RPS6KC1: variants seen among roughly 807,000 people sequenced by gnomAD.
RPS6KC1 encodes the protein inactive ribosomal protein S6 kinase delta-1.
RPS6KC1 carries 54 observed loss-of-function variants against 103.8 expected under a neutral mutation model. The observed-to-expected ratio is 0.52, with a 90% CI of 0.42 to 0.65. RPS6KC1 has a LOEUF of 0.65. Among genes scored for constraint, RPS6KC1 ranks in the 30% least tolerant of loss-of-function variants. RPS6KC1 has a pLI of 0.00. For synonymous variants in RPS6KC1, 439 were observed against 438.7 expected (o/e 1.00, Z -0.01); for missense variants, 1,151 against 1,253.8 (o/e 0.92, Z 1.24).
At chr1:213,795,553 G>A in the RPS6KC1 span, among the ~76,000 whole-genome samples, 1 of 152,086 alleles carries the variant, frequency 6.6e-6, no homozygotes, top group African/African-American at 2.4e-5. Flanking sequence ...AGCTAATTTT[G>A]TCCTGGAAAA....
the RPS6KC1 span, among the ~76,000 whole-genome samples, chr1:213,794,081 A>G: frequency 6.6e-6 from 1 of 152,216 alleles, no homozygotes; most frequent in Non-Finnish European, 1.5e-5. Flanking sequence ...CTGGATTTAC[A>G]CAGAATCTGA....
the RPS6KC1 span, among the ~76,000 whole-genome samples, chr1:213,690,958 T>C: frequency 6.6e-6 from 1 of 152,146 alleles, no homozygotes; most frequent in African/African-American, 2.4e-5. Flanking sequence ...TTGATTGTTT[T>C]ATTTTTCCCT....
At chr1:213,755,989 C>G in the RPS6KC1 span, among the ~76,000 whole-genome samples, 1 of 152,180 alleles carries the variant, frequency 6.6e-6, no homozygotes, top group Non-Finnish European at 1.5e-5. Flanking sequence ...CCAGCACTAC[C>G]TCCACTCCTA....
At chr1:213,802,958 C>T in the RPS6KC1 span, among the ~76,000 whole-genome samples, 1 of 152,100 alleles carries the variant, frequency 6.6e-6, no homozygotes, top group South Asian at 2.1e-4. Context: ...TGGAAGAAAA[C>T]AGATAAGGGA....
the RPS6KC1 span, among the ~76,000 whole-genome samples, chr1:213,854,447 G>T: frequency 6.6e-6 from 1 of 152,094 alleles, no homozygotes; most frequent in African/African-American, 2.4e-5. Context: ...CATTTTATTT[G>T]TAAAGGAAAT....
At chr1:213,148,872 A>C (rs1250367954) in intron 6 of RPS6KC1, among the ~76,000 whole-genome samples, 1 of 152,030 alleles carries the variant, frequency 6.6e-6, no homozygotes, top group African/African-American at 2.4e-5. Flanking sequence ...TGGTCTGTTC[A>C]GGTTCTGTGT....
At chr1:213,166,306 A>G (rs2090961635) in intron 6 of RPS6KC1, among the ~76,000 whole-genome samples, 1 of 152,240 alleles carries the variant, frequency 6.6e-6, no homozygotes, top group African/African-American at 2.4e-5. Flanking sequence ...GCTAATGACA[A>G]TGGAAATAGC....
At chr1:213,393,948 G>C in the RPS6KC1 span, among the ~76,000 whole-genome samples, 2 of 152,122 alleles carry the variant, frequency 1.3e-5, no homozygotes, top group Non-Finnish European at 2.9e-5. Flanking sequence ...CTCTGAGAAG[G>C]GCGAGGGCAT....
chr1:213,465,802 A>G, the RPS6KC1 span, among the ~76,000 whole-genome samples: 3 of 152,034 alleles, frequency 2.0e-5, no homozygotes, highest in Non-Finnish European at 4.4e-5. Flanking sequence ...TTTCTTATCT[A>G]TTAAATATGT....
the RPS6KC1 span, among the ~76,000 whole-genome samples, chr1:213,479,850 C>G: frequency 0.014 from 2,165 of 151,876 alleles, 50 homozygotes; most frequent in African/African-American, 0.044. Context: ...GTCTATTTTT[C>G]CAATCTCACC....
the RPS6KC1 span, among the ~76,000 whole-genome samples, chr1:213,524,646 AG>A: frequency 6.6e-6 from 1 of 152,210 alleles, no homozygotes; most frequent in Admixed American, 6.5e-5. Flanking sequence ...GTAAAGTCTC[AG>A]AATGCTGAGA....
the RPS6KC1 span, among the ~76,000 whole-genome samples, chr1:213,524,518 T>C: frequency 3.9e-5 from 6 of 152,330 alleles, no homozygotes; most frequent in Non-Finnish European, 7.3e-5. Context: ...CTTCCAAGCT[T>C]CATCTAAAGC....
At chr1:213,260,323 G>A (rs1320318266) in intron 12 of RPS6KC1, among the ~76,000 whole-genome samples, 2 of 152,192 alleles carry the variant, frequency 1.3e-5, no homozygotes, top group East Asian at 3.8e-4. Flanking sequence ...GGGAAGGGCT[G>A]TGAAGGGGTA....
At chr1:213,548,256 C>T in the RPS6KC1 span, among the ~76,000 whole-genome samples, 7,469 of 152,184 alleles carry the variant, frequency 0.049, 647 homozygotes, top group African/African-American at 0.17. Flanking sequence ...GAAGACATCT[C>T]ATTTATAGAA....
chr1:213,056,620 G>C (rs189814114), intron 1 of RPS6KC1, among the ~76,000 whole-genome samples: 21 of 152,260 alleles, frequency 1.4e-4, no homozygotes, highest in Admixed American at 7.2e-4. Context: ...GCTTCAAATC[G>C]AAGCACTATT....
intron 4 of RPS6KC1, among the ~76,000 whole-genome samples, chr1:213,109,392 C>T (rs192060870): frequency 6.6e-6 from 1 of 152,298 alleles, no homozygotes; most frequent in African/African-American, 2.4e-5. Flanking sequence ...CTGCCTCGGC[C>T]TCCCAAAGTG....
the RPS6KC1 span, among the ~76,000 whole-genome samples, chr1:213,474,468 C>G: frequency 6.6e-6 from 1 of 152,096 alleles, no homozygotes; most frequent in African/African-American, 2.4e-5. Flanking sequence ...GCTGCTTTTT[C>G]AAAGCCATCA....
At chr1:213,708,281 A>G in the RPS6KC1 span, among the ~76,000 whole-genome samples, 1 of 151,956 alleles carries the variant, frequency 6.6e-6, no homozygotes, top group Admixed American at 6.6e-5. Flanking sequence ...ATTCCTAGGT[A>G]TTTTATCCTC....
At chr1:213,115,183 T>C (rs2083450608) in intron 4 of RPS6KC1, among the ~76,000 whole-genome samples, 1 of 152,204 alleles carries the variant, frequency 6.6e-6, no homozygotes, top group African/African-American at 2.4e-5. Context: ...CATCTGGTCC[T>C]GGACTCTTTT....
Sources: allele counts gnomAD v4.1 joint callset (sites outside exome capture counted in the v4.1 genomes callset), GRCh38; gene constraint gnomAD v4.1.1; transcripts MANE v1.5; gene names NCBI Gene and HGNC (gene_info 2026-07-23, HGNC 2026-07-21).